The following PAX2 variants were observed in gnomAD, a reference collection of about 807,000 sequenced individuals.
The protein encoded by PAX2 is paired box 2.
In PAX2, 9 loss-of-function variants were observed where a neutral mutation model predicts 41.7. The observed-to-expected ratio is 0.22, with a 90% CI of 0.13 to 0.38. PAX2 has a LOEUF of 0.38. Ranked by LOEUF, PAX2 falls within the 10% of genes least tolerant of loss-of-function variation. PAX2 has a pLI of 1.00. For missense variants in PAX2, 418 were observed against 531.6 expected (o/e 0.79, Z 2.10); for synonymous variants, 221 against 212.7 (o/e 1.04, Z -0.34).
At chr10:100,810,560 C>T (rs1847956914) in intron 7 of PAX2, among the ~76,000 whole-genome samples, 1 of 152,246 alleles carries the variant, frequency 6.6e-6, no homozygotes, top group South Asian at 2.1e-4. Flanking sequence ...AGCTGGGAAG[C>T]TCTCTGACCT....
intron 7 of PAX2, among the ~76,000 whole-genome samples, chr10:100,820,737 C>T (rs1461342382): frequency 6.6e-6 from 1 of 152,192 alleles, no homozygotes; most frequent in Non-Finnish European, 1.5e-5. Context: ...CAAAAAACAA[C>T]TTTGTAACCT....
rs138946406 is a variant in PAX2, at chr10:100,779,670, C to T, written c.496+87C>T. The T allele has an allele frequency of 3.2e-4, 340 of 1,061,322 alleles. 1 individual carries two copies. The highest frequency in any genetic ancestry group is 1.3e-3 in the South Asian group (98 of 74,220). The allele number at this position is 1,061,322 out of a possible 1,614,324, so 65.7% of individuals were successfully genotyped here. A position where few individuals can be genotyped will look rare whatever the true frequency, so the allele number is the denominator to read the frequency against. On this transcript the variant is annotated intron_variant, in intron 4 of 9. Coordinates refer to ENST00000355243, the MANE Select transcript of PAX2 (RefSeq NM_000278.5). ...GCTCCACCCCTGGGAACTGCCTGCC[C>T]GCTTGAGGTCCAGAGCCCAACCTAT...
At chr10:100,755,115 T>C (rs913319271) in intron 3 of PAX2, among the ~76,000 whole-genome samples, 12 of 152,232 alleles carry the variant, frequency 7.9e-5, no homozygotes, top group African/African-American at 9.6e-5. Flanking sequence ...TTACCCATCA[T>C]TGGAATAACA....
intron 3 of PAX2, among the ~76,000 whole-genome samples, chr10:100,754,081 A>C (rs1218992784): frequency 2.6e-5 from 4 of 152,118 alleles, no homozygotes; most frequent in Non-Finnish European, 5.9e-5. Flanking sequence ...TAAACAGGGG[A>C]CTTTAGATTG....
At position 100,759,942 on chromosome 10, in the gene PAX2, G is replaced by A. The variant is rs181967446; in HGVS notation, c.410+9051G>A. 4.2e-4 allele frequency among the ~76,000 whole-genome samples: 64 copies of A among 152,308 alleles called. No individual in the cohort carries two copies. In the East Asian group the frequency reaches 0.011, roughly 25 times the overall value. ...GCAGGCAGATGATAGAAGCTGAAGG[G>A]CATGAGGAGTCTGCAGGCAGCTTCT... On this transcript the variant is annotated intron_variant, in intron 3 of 9. Transcript: ENST00000355243.
chr10:100,802,803 C>A (rs769057614), intron 5 of PAX2, among the ~76,000 whole-genome samples: 6 of 152,160 alleles, frequency 3.9e-5, no homozygotes, highest in African/African-American at 1.4e-4. Context: ...TAATCACTCA[C>A]GCGCTCTCCT....
intron 8 of PAX2, chr10:100,825,033 A>G: frequency 6.9e-7 from 1 of 1,446,400 alleles, no homozygotes; most frequent in Non-Finnish European, 9.7e-7. Context: ...TCTGTGCCCG[A>G]GGAGCACTCA....
chr10:100,736,458 A>T (rs1844778412), intron 1 of PAX2, among the ~76,000 whole-genome samples: 1 of 152,138 alleles, frequency 6.6e-6, no homozygotes, highest in African/African-American at 2.4e-5. Context: ...ACCCAAGTTT[A>T]GTTTTGGACT....
At chr10:100,746,496 C>T (rs890659688) in intron 1 of PAX2, among the ~76,000 whole-genome samples, 193 bp downstream of exon 1, 2 of 152,202 alleles carry the variant, frequency 1.3e-5, no homozygotes, top group Non-Finnish European at 2.9e-5. Context: ...TGCCTTCTGT[C>T]ACCCATTCTT....
chr10:100,768,962 A>G (rs541943448), intron 3 of PAX2, among the ~76,000 whole-genome samples: 1 of 152,376 alleles, frequency 6.6e-6, no homozygotes, highest in African/African-American at 2.4e-5. Context: ...CCTTTCATAC[A>G]GTGAATATGA....
At chr10:100,793,827 G>T (rs1335382648) in intron 5 of PAX2, among the ~76,000 whole-genome samples, 1 of 152,166 alleles carries the variant, frequency 6.6e-6, no homozygotes, top group Non-Finnish European at 1.5e-5. Context: ...GTGGGCCCAG[G>T]TGCCCAGTGT....
At chr10:100,758,466 G>A (rs747713436) in intron 3 of PAX2, among the ~76,000 whole-genome samples, 2 of 152,218 alleles carry the variant, frequency 1.3e-5, no homozygotes, top group South Asian at 2.1e-4. Flanking sequence ...TTCTAGAAAC[G>A]TTCAGGTTTG....
intron 1 of PAX2, 100 bp from the exon 2 acceptor site, chr10:100,749,646 C>T: frequency 1.3e-6 from 2 of 1,525,488 alleles, no homozygotes; most frequent in Non-Finnish European, 1.8e-6. Context: ...TGCCCTTCCG[C>T]CCTGCCTGCT....
At chr10:100,786,874 T>C (rs1453660701) in intron 5 of PAX2, 8 of 943,690 alleles carry the variant, frequency 8.5e-6, no homozygotes, top group Middle Eastern at 2.5e-4. Flanking sequence ...CTTGGGATCC[T>C]GCCCCCAATC....
At chr10:100,749,182 T>C in intron 1 of PAX2, 1 of 986,596 alleles carries the variant, frequency 1.0e-6, no homozygotes, top group Non-Finnish European at 1.2e-6. Context: ...AATTTAATAC[T>C]TTTTAAAGAA....
rs1221447296 is a variant in PAX2 at position 100,827,970 on chromosome 10, G to A, written c.*351G>A. 1 of 306,600 alleles carries A rather than the reference G, an allele frequency of 3.3e-6. No homozygotes were observed. Among genetic ancestry groups the A allele is most frequent in the African/African-American group, 2.2e-5 (1 of 46,054 alleles). 19.0% of individuals were successfully genotyped at this position (306,600 alleles called of 1,614,324 possible). On this transcript the variant is annotated 3_prime_UTR_variant, in exon 10 of 10. Transcript: ENST00000355243. The surrounding 1 kb of genome is among the most constrained non-coding windows in gnomAD (Gnocchi z 8.5). The stretch of plus-strand genomic sequence containing the variant: ...CCGAAGCCCGCCAGCCACCCTGCCG[G>A]ACTCGGGCGCGACCTGCTGGCGCGC...
At chr10:100,807,529 A>G (rs1249141994) in intron 6 of PAX2, among the ~76,000 whole-genome samples, 2 of 149,788 alleles carry the variant, frequency 1.3e-5, no homozygotes, top group Non-Finnish European at 3.0e-5. Context: ...GTGCTCACAC[A>G]CCACCGCCCA....
upstream of PAX2, among the ~76,000 whole-genome samples, chr10:100,743,221 T>C (rs539623023): frequency 1.8e-4 from 28 of 152,188 alleles, no homozygotes; most frequent in South Asian, 5.8e-3. Context: ...AGAAGGGTCT[T>C]TACTCCTCAG....
Position 100,826,562 on chromosome 10 carries a change from T to C in PAX2, c.1022-447T>C, listed in dbSNP as rs2133988433. On this transcript the variant is annotated intron_variant, in intron 8 of 9. Coordinates refer to ENST00000355243, the MANE Select transcript of PAX2 (RefSeq NM_000278.5). The surrounding 1 kb of genome is among the most constrained non-coding windows in gnomAD (Gnocchi z 5.5). ...TGCACATTGATGCCATTCTTAGGAC[T>C]TTCTGGGAGAAAAATGTCCCGAAGG... Among the ~76,000 whole-genome samples the C allele has an allele frequency of 6.6e-6, 1 of 152,294 alleles. No homozygotes were observed. The highest frequency in any genetic ancestry group is 1.9e-4 in the East Asian group (1 of 5,166).
Sources: gnomAD v4.1 joint callset for allele counts (sites outside exome capture counted in the v4.1 genomes callset) on GRCh38, gnomAD v4.1.1 for gene constraint, Gnocchi (gnomAD v3.1) non-coding constraint, MANE v1.5 for transcripts, NCBI Gene and HGNC (gene_info 2026-07-23, HGNC 2026-07-21) for gene names.